RLF: variants seen among roughly 807,000 people sequenced by gnomAD.
RLF encodes RLF zinc finger.
In RLF, 7 loss-of-function variants were observed where a neutral mutation model predicts 162.9. The ratio of observed to expected loss-of-function variants is 0.04; its 90% confidence interval spans 0.02 to 0.08. The LOEUF (loss-of-function observed/expected upper bound fraction) is 0.08, where lower values mean the gene tolerates loss of function less well. RLF is among the 10% of genes least tolerant of loss of function. The pLI, the probability that RLF is intolerant of heterozygous loss-of-function variation, is 1.00. For synonymous variants in RLF, 782 were observed against 791.5 expected (o/e 0.99, Z 0.20); for missense variants, 1,664 against 2,244.7 (o/e 0.74, Z 5.23).
At chr1:40,204,228 G>C (rs1642758955) in intron 5 of RLF, among the ~76,000 whole-genome samples, 2 of 151,884 alleles carry the variant, frequency 1.3e-5, no homozygotes, top group Admixed American at 6.6e-5. Context: ...TCTTGGCCAG[G>C]CTGGTCTTGA....
At chr1:40,182,050 A>G (rs1339441953) in intron 1 of RLF, among the ~76,000 whole-genome samples, 2 of 152,232 alleles carry the variant, frequency 1.3e-5, no homozygotes, top group Non-Finnish European at 2.9e-5. Context: ...TTGTGCAGCC[A>G]TAAAAACACT....
chr1:40,240,651 G>T lies in RLF; in HGVS notation c.*204G>T, dbSNP rs11538676. 1.9e-6 allele frequency: 1 copy of T among 513,514 alleles called. No homozygotes were observed. The highest frequency in any genetic ancestry group is 3.5e-6 in the Non-Finnish European group (1 of 288,878). 31.8% of individuals were successfully genotyped at this position (513,514 alleles called of 1,614,324 possible). On this transcript the variant is annotated 3_prime_UTR_variant, in exon 8 of 8. Transcript: ENST00000372771. ...TGGTTTAATGATTGGGTTTATTTTT[G>T]TTTGTTTGTTTATTAAAAAAATGGA... is the stretch of plus-strand genomic sequence containing the variant.
chr1:40,162,124 G>C (rs764107965), intron 1 of RLF, among the ~76,000 whole-genome samples: 1 of 152,004 alleles, frequency 6.6e-6, no homozygotes, highest in Non-Finnish European at 1.5e-5. Context: ...AGTTGGCTTC[G>C]AAAGGCGTCT....
chr1:40,234,354 G>A (rs879468841), intron 7 of RLF, among the ~76,000 whole-genome samples: 9 of 152,106 alleles, frequency 5.9e-5, no homozygotes, highest in Non-Finnish European at 1.0e-4. Context: ...AGGATAATAC[G>A]TGCAAAAAAG....
Position 40,237,836 on chromosome 1 carries a change from A to G in RLF, c.3134A>G (p.Glu1045Gly). ...CGAGAACATCAAGGTTATTCCTCAG[A>G]ATCCTCCATTTGTGCTTCTAAAAGG... Reference protein sequence around the residue: ...CKREHQGYSSESSICASKRPC... With the variant: ...CKREHQGYSSGSSICASKRPC... The change falls in exon 8 of 8, where the codon GAA becomes GGA. Residue 1045 changes from glutamate (E) to glycine (G), a missense_variant. Physicochemically the swap from Glu to Gly is moderately conservative, Grantham distance 98 (BLOSUM62 -2). This residue lies in a region of RLF where 295 missense variants were observed against 317.4 expected (regional missense o/e 0.93). Transcript: ENST00000372771. This position sits in a 1 kb window ranked among gnomAD's most constrained non-coding sequence, Gnocchi z 4.4. 6 of 1,614,132 alleles carry G rather than the reference A, an allele frequency of 3.7e-6. No homozygotes were observed. The highest frequency in any genetic ancestry group is 5.1e-6 in the Non-Finnish European group (6 of 1,180,004).
rs201084092 is a variant in RLF, at chr1:40,236,638, C to G, written c.1936C>G (p.Gln646Glu). 29 of 1,614,068 alleles carry G rather than the reference C, an allele frequency of 1.8e-5. No individual in the cohort carries two copies. In the East Asian group the frequency reaches 5.3e-4, roughly 30 times the overall value. The change falls in exon 8 of 8, where the codon CAA (glutamine) becomes GAA (glutamate). Residue 646 changes from glutamine to glutamate, a missense_variant. Around this residue, in one of 15 missense-constraint regions of RLF, gnomAD observed 50 missense variants for 46.7 expected, o/e 1.07. Transcript: ENST00000372771. This position sits in a 1 kb window ranked among gnomAD's most constrained non-coding sequence, Gnocchi z 7.7. ...IPEQNHSLNDQAKGESHEYVT... is the reference protein window; with the variant it reads ...IPEQNHSLNDEAKGESHEYVT... ...AGAGCAAAACCATTCATTGAATGAC[C>G]AAGCCAAAGGAGAGTCTCATGAATA...
At position 40,235,998 on chromosome 1, in the gene RLF, A is replaced by G. The variant is rs145011524; in HGVS notation, c.1296A>G (p.Leu432=). ...SLDGFNMLEE[L]YLQPDQKFDE... ...ATGGATTTAATATGTTAGAAGAACT[A>G]TATTTGCAACCAGATCAAAAATTTG... The change falls in exon 8 of 8, where the codon CTA becomes CTG. Residue 432 remains leucine, a synonymous_variant. Coordinates refer to ENST00000372771, the MANE Select transcript of RLF (RefSeq NM_012421.4). The G allele has an allele frequency of 2.6e-4, 426 of 1,613,348 alleles. 2 individuals are homozygous for G. In the African/African-American group the frequency reaches 5.0e-3, roughly 19 times the overall value.
intron 5 of RLF, among the ~76,000 whole-genome samples, chr1:40,209,061 T>G (rs1357901152): frequency 6.6e-6 from 1 of 152,212 alleles, no homozygotes; most frequent in Non-Finnish European, 1.5e-5. Context: ...GTAGACTTGT[T>G]GTGCAGGCAA....
rs928015856 is a variant in RLF, at chr1:40,161,920, C to T, written c.237+284C>T. 2.0e-5 allele frequency among the ~76,000 whole-genome samples: 3 copies of T among 152,132 alleles called. No homozygotes were observed. The highest frequency in any genetic ancestry group is 4.4e-5 in the Non-Finnish European group (3 of 68,020). On this transcript the variant is annotated intron_variant, in intron 1 of 7. Transcript: ENST00000372771. This position sits in a 1 kb window ranked among gnomAD's most constrained non-coding sequence, Gnocchi z 4.4. Reference sequence around the variant, plus strand: ...TGTGCCCTGTCGCCGTTGCCTGTGTCCTGGCCGGGTGGTTGGAGCGCCACT... The same window carrying T: ...TGTGCCCTGTCGCCGTTGCCTGTGTTCTGGCCGGGTGGTTGGAGCGCCACT...
chr1:40,186,934 C>T (rs1015483015), intron 1 of RLF, among the ~76,000 whole-genome samples: 8 of 152,084 alleles, frequency 5.3e-5, no homozygotes, highest in African/African-American at 1.7e-4. Flanking sequence ...TTTTGAAACT[C>T]CTTAATTCTT....
intron 5 of RLF, among the ~76,000 whole-genome samples, chr1:40,220,332 T>G (rs1254156604): frequency 6.6e-6 from 1 of 152,218 alleles, no homozygotes; most frequent in Non-Finnish European, 1.5e-5. Flanking sequence ...AAATATTTTA[T>G]TTCTATTTCT....
chr1:40,187,260 G>C lies in RLF; in HGVS notation c.238-1795G>C, dbSNP rs986133244. 9.9e-5 allele frequency among the ~76,000 whole-genome samples: 15 copies of C among 152,236 alleles called. No homozygotes were observed. In the East Asian group the frequency reaches 2.7e-3, roughly 27 times the overall value. On this transcript the variant is annotated intron_variant, in intron 1 of 7. Coordinates refer to ENST00000372771, the MANE Select transcript of RLF (RefSeq NM_012421.4). ...TTGGCCAGGATGGTCTCGATCTCTT[G>C]ACTTTGTGATCCGTCCGCCTCGGCC... is the stretch of plus-strand genomic sequence containing the variant.
chr1:40,192,494 A>C (rs1236417976), intron 3 of RLF, among the ~76,000 whole-genome samples: 1 of 152,200 alleles, frequency 6.6e-6, no homozygotes, highest in Non-Finnish European at 1.5e-5. Flanking sequence ...TTTGGATTTC[A>C]GATTTTTGGA....
intron 5 of RLF, among the ~76,000 whole-genome samples, chr1:40,218,136 T>C (rs1004732004): frequency 6.6e-6 from 1 of 152,220 alleles, no homozygotes; most frequent in African/African-American, 2.4e-5. Flanking sequence ...AACAAAATTA[T>C]CTGTTTTCCC....
chr1:40,185,882 C>G (rs1158129863), intron 1 of RLF, among the ~76,000 whole-genome samples: 2 of 133,428 alleles, frequency 1.5e-5, no homozygotes, highest in African/African-American at 2.8e-5. Flanking sequence ...AGGCTGGATG[C>G]GAGGTGGCTT....
Position 40,172,723 on chromosome 1 carries a change from G to A in RLF, c.237+11087G>A, listed in dbSNP as rs183239100. On this transcript the variant is annotated intron_variant, in intron 1 of 7. Transcript: ENST00000372771. Reference sequence around the variant, plus strand: ...AGAGGTTACAGTGAGCTGAGATTGCGTCACTGCACTCTATCCTGGGCAACA... The same window carrying A: ...AGAGGTTACAGTGAGCTGAGATTGCATCACTGCACTCTATCCTGGGCAACA... 2.9e-3 allele frequency among the ~76,000 whole-genome samples: 445 copies of A among 152,222 alleles called. 2 individuals carry two copies. The highest frequency in any genetic ancestry group is 8.2e-3 in the Admixed American group (125 of 15,280).
At chr1:40,190,582 C>T (rs546986822) in intron 2 of RLF, among the ~76,000 whole-genome samples, 190 bp from the exon 3 acceptor site, 104 of 152,102 alleles carry the variant, frequency 6.8e-4, no homozygotes, top group Non-Finnish European at 1.4e-3. Context: ...AAATATAAAG[C>T]CTTGTGGTCT....
In RLF at chr1:40,239,627, G is replaced by A; in HGVS notation, c.4925G>A (p.Cys1642Tyr). ...SSAPIQNTDC[C>Y]HSSERDGGQK... The stretch of plus-strand genomic sequence containing the variant: ...GCACCCATCCAGAACACTGATTGCT[G>A]TCATTCAAGTGAAAGGGATGGAGGT... The change falls in exon 8 of 8, where the codon TGT becomes TAT. Residue 1642 changes from cysteine to tyrosine, a missense_variant. Transcript: ENST00000372771. 1 of 1,614,118 alleles carries A rather than the reference G, an allele frequency of 6.2e-7. No homozygotes were observed. The highest frequency in any genetic ancestry group is 8.5e-7 in the Non-Finnish European group (1 of 1,180,032).
chr1:40,177,292 C>CTT (rs552640229), intron 1 of RLF, among the ~76,000 whole-genome samples: 9 of 144,052 alleles, frequency 6.2e-5, no homozygotes, highest in African/African-American at 1.5e-4. Flanking sequence ...TTCTTTCTTT[C>CTT]TTTTTTTTTT....
Sources: allele counts gnomAD v4.1 joint callset (sites outside exome capture counted in the v4.1 genomes callset), GRCh38; gene constraint gnomAD v4.1.1; regional missense constraint gnomAD v4.1.1; non-coding constraint Gnocchi (gnomAD v3.1); transcripts MANE v1.5; gene names NCBI Gene and HGNC (gene_info 2026-07-23, HGNC 2026-07-21).